Variants in ZNF654 observed in about 807,000 individuals in gnomAD.
ZNF654 encodes the protein zinc finger protein 654, also known as melanoma-associated antigen.
ZNF654 carries 19 observed loss-of-function variants against 95.3 expected under a neutral mutation model. That is an observed-to-expected ratio of 0.20 (90% confidence interval 0.14 to 0.29). The LOEUF is 0.29. Ranked by LOEUF, ZNF654 falls within the 10% of genes least tolerant of loss-of-function variation. The probability of loss-of-function intolerance (pLI) is 1.00; values close to 1 mark genes in which losing one functional copy is unlikely to be tolerated. For synonymous variants in ZNF654, 413 were observed against 457.9 expected, an observed-to-expected ratio of 0.90 and a Z score of 1.25; for missense variants, 1,046 against 1,341.0, an observed-to-expected ratio of 0.78 and a Z score of 3.44.
At chr3:88,092,024 G>C (rs540615473) in intron 2 of ZNF654, among the ~76,000 whole-genome samples, 1 of 152,208 alleles carries the variant, frequency 6.6e-6, no homozygotes, top group South Asian at 2.1e-4. Flanking sequence ...TTCAATGTAA[G>C]GCAAAAGAAA....
chr3:88,103,475 G>A (rs1704552284), intron 2 of ZNF654, among the ~76,000 whole-genome samples: 1 of 152,180 alleles, frequency 6.6e-6, no homozygotes, highest in African/African-American at 2.4e-5. Context: ...GAGTGTCTAA[G>A]AATTTAGGAA....
chr3:88,059,558 G>C, intron 1 of ZNF654, 53 bp downstream of exon 1: 1 of 1,446,964 alleles, frequency 6.9e-7, no homozygotes, highest in Non-Finnish European at 9.0e-7. Context: ...GGGCCTCTCT[G>C]CGTCTCCTGG....
intron 6 of ZNF654, among the ~76,000 whole-genome samples, chr3:88,133,700 G>T (rs907315176): frequency 3.3e-5 from 5 of 152,054 alleles, no homozygotes; most frequent in Non-Finnish European, 7.4e-5. Context: ...CATTTCTATT[G>T]CTGTTAACTT....
At chr3:88,094,804 TC>T (rs1373291830) in intron 2 of ZNF654, among the ~76,000 whole-genome samples, 11 of 152,082 alleles carry the variant, frequency 7.2e-5, no homozygotes, top group Admixed American at 2.0e-4. Context: ...CTTTTTAACT[TC>T]CTTCCCACTA....
chr3:88,075,316 C>A (rs1247167084), intron 1 of ZNF654, among the ~76,000 whole-genome samples: 2 of 152,186 alleles, frequency 1.3e-5, no homozygotes, highest in Non-Finnish European at 2.9e-5. Flanking sequence ...TCTGCTCTTG[C>A]ATCTGTATTT....
At chr3:88,059,680 C>G (rs1445045905) in intron 1 of ZNF654, among the ~76,000 whole-genome samples, 175 bp downstream of exon 1, 1 of 151,880 alleles carries the variant, frequency 6.6e-6, no homozygotes, top group African/African-American at 2.4e-5. Flanking sequence ...GGGCGGGGAG[C>G]AAGGCGAGGG....
chr3:88,115,825 T>G (rs933491853), intron 3 of ZNF654, among the ~76,000 whole-genome samples: 3 of 152,096 alleles, frequency 2.0e-5, no homozygotes, highest in Admixed American at 6.6e-5. Flanking sequence ...TATCTAGCAG[T>G]TTTCGAGATT....
intron 3 of ZNF654, among the ~76,000 whole-genome samples, chr3:88,115,267 A>T (rs148161146): frequency 8.2e-4 from 125 of 152,276 alleles, no homozygotes; most frequent in Non-Finnish European, 1.6e-3. Context: ...GTTGGATTTG[A>T]GTTAACTTCT....
At chr3:88,087,378 A>C (rs911939975) in intron 2 of ZNF654, among the ~76,000 whole-genome samples, 2 of 152,160 alleles carry the variant, frequency 1.3e-5, no homozygotes, top group African/African-American at 4.8e-5. Flanking sequence ...CCTGGCTGAA[A>C]ATCCTGGTTT....
chr3:88,113,227 T>C (rs1296880861), intron 3 of ZNF654, 31 bp downstream of exon 3: 13 of 1,392,008 alleles, frequency 9.3e-6, no homozygotes, highest in African/African-American at 7.2e-5. Flanking sequence ...TCACACTTTG[T>C]CTACACTTAA....
chr3:88,108,470 TG>T (rs1704881002), intron 2 of ZNF654, among the ~76,000 whole-genome samples: 1 of 152,216 alleles, frequency 6.6e-6, no homozygotes, highest in South Asian at 2.1e-4. Flanking sequence ...TTCTGCGGTT[TG>T]TTACCCATAG....
intron 6 of ZNF654, among the ~76,000 whole-genome samples, chr3:88,130,124 A>G (rs1706359092): frequency 6.6e-6 from 1 of 152,192 alleles, no homozygotes; most frequent in Non-Finnish European, 1.5e-5. Context: ...CTAGTAGAAT[A>G]TATGAAGCAG....
At chr3:88,085,346 A>G (rs552204848) in intron 1 of ZNF654, among the ~76,000 whole-genome samples, 1 of 152,340 alleles carries the variant, frequency 6.6e-6, no homozygotes, top group Non-Finnish European at 1.5e-5. Flanking sequence ...AAATGGATGA[A>G]CCTGGTTGTG....
chr3:88,084,795 T>C (rs554069465), intron 1 of ZNF654, among the ~76,000 whole-genome samples: 4 of 152,218 alleles, frequency 2.6e-5, no homozygotes, highest in Non-Finnish European at 5.9e-5. Context: ...GTGTTTATGA[T>C]GATGCCCCTT....
chr3:88,140,396 T>C lies in ZNF654; in HGVS notation c.2727T>C (p.Ser909=), dbSNP rs192319719. The change falls in exon 8 of 9, where the codon AGT becomes AGC. Residue 909 remains serine, a synonymous_variant. Coordinates refer to ENST00000636215, the MANE Select transcript of ZNF654 (RefSeq NM_001350134.2). The part of the protein sequence containing the change: ...DSSSNEKQTI[S]LPVSTSKSRK... The stretch of plus-strand genomic sequence containing the variant: ...CTAGTAATGAGAAACAAACTATTAG[T>C]CTGCCAGTTTCTACTAGCAAATCAA... 4.8e-5 allele frequency: 77 copies of C among 1,613,126 alleles called. No individual in the cohort carries two copies. The East Asian group carries it at 1.6e-3, about 33-fold the overall frequency.
intron 7 of ZNF654, among the ~76,000 whole-genome samples, chr3:88,137,029 T>C (rs1389181677): frequency 6.6e-6 from 1 of 151,882 alleles, no homozygotes; most frequent in East Asian, 1.9e-4. Context: ...ACCCCATCTC[T>C]ACTAAAAATA....
At chr3:88,121,240 A>G (rs1705751875) in intron 3 of ZNF654, among the ~76,000 whole-genome samples, 1 of 152,136 alleles carries the variant, frequency 6.6e-6, no homozygotes, top group Non-Finnish European at 1.5e-5. Context: ...AAGTCAATCT[A>G]TGTTTTCTTT....
chr3:88,088,752 GTA>G (rs1559701584), intron 2 of ZNF654, among the ~76,000 whole-genome samples: 1 of 127,038 alleles, frequency 7.9e-6, no homozygotes, highest in Non-Finnish European at 1.8e-5. Context: ...ATTTATGTAT[GTA>G]TGTATGTATG....
intron 2 of ZNF654, among the ~76,000 whole-genome samples, chr3:88,109,084 A>G (rs114959069): frequency 0.019 from 2,816 of 151,424 alleles, 95 homozygotes; most frequent in African/African-American, 0.064. Flanking sequence ...CGTGGTTTCA[A>G]GCATCCAGTG....
Sources: gnomAD v4.1 joint callset for allele counts (sites outside exome capture counted in the v4.1 genomes callset) on GRCh38, gnomAD v4.1.1 for gene constraint, MANE v1.5 for transcripts, NCBI Gene and HGNC (gene_info 2026-07-23, HGNC 2026-07-21) for gene names.